Variants in DST observed in about 807,000 individuals in gnomAD.
DST encodes the protein dystonin, also known as bullous pemphigoid antigen.
In DST, 253 loss-of-function variants were observed where a neutral mutation model predicts 875.2. The ratio of observed to expected loss-of-function variants is 0.29; its 90% CI spans 0.26 to 0.32. The LOEUF is 0.32. Ranked by LOEUF, DST falls within the 10% of genes least tolerant of loss-of-function variation. The pLI is 1.00. For missense variants in DST, 8,287 were observed against 9,111.6 expected, an observed-to-expected ratio of 0.91 and a Z score of 3.68; for synonymous variants, 3,124 against 3,197.1, an observed-to-expected ratio of 0.98 and a Z score of 0.77.
chr6:56,913,538 T>C (rs934066692), intron 2 of DST, among the ~76,000 whole-genome samples: 1 of 152,336 alleles, frequency 6.6e-6, no homozygotes, highest in South Asian at 2.1e-4. Context: ...AACACAGAGT[T>C]AAGTAGCTGC....
intron 4 of DST, among the ~76,000 whole-genome samples, chr6:56,807,076 G>C (rs1291316640): frequency 6.6e-6 from 1 of 151,840 alleles, no homozygotes; most frequent in East Asian, 1.9e-4. Flanking sequence ...TTTGAGACAG[G>C]GTCTCGCTCT....
chr6:56,936,389 C>A (rs1229274047), intron 2 of DST, among the ~76,000 whole-genome samples: 1 of 152,098 alleles, frequency 6.6e-6, no homozygotes. Flanking sequence ...GGTGAGTTTG[C>A]CATTTTTGAC....
At chr6:56,819,921 C>T (rs10498813) in intron 4 of DST, among the ~76,000 whole-genome samples, 23,369 of 152,120 alleles carry the variant, frequency 0.15, 2,047 homozygotes, top group Non-Finnish European at 0.18. Context: ...AGTAACATTT[C>T]GTCATAAATA....
At position 56,607,093 on chromosome 6, in the gene DST, A is replaced by G. The variant is rs199558039; in HGVS notation, c.7535T>C (p.Met2512Thr). The G allele has an allele frequency of 3.4e-4, 553 of 1,612,768 alleles. 5 individuals carry two copies. The South Asian group carries it at 5.8e-3, about 17-fold the overall frequency. The change falls in exon 40 of 104, where the codon ATG becomes ACG. Residue 2512 changes from methionine to threonine, a missense_variant. By Grantham distance (81) the Met-to-Thr change is moderately conservative. Coordinates refer to ENST00000680361, the MANE Select transcript of DST (RefSeq NM_001374736.1). ...TTGTACTTGAGGATTACTAGAAATC[A>G]TATTTAAAGATTTCTGTCCATACTG... ...GEQYGQKSLNMISSNPQVQYH... is the reference protein window; with the variant it reads ...GEQYGQKSLNTISSNPQVQYH...
intron 5 of DST, among the ~76,000 whole-genome samples, chr6:56,723,162 G>A (rs1294810106): frequency 6.6e-6 from 1 of 152,204 alleles, no homozygotes; most frequent in African/African-American, 2.4e-5. Flanking sequence ...ATAAGTAGGT[G>A]GAAGTTAGGG....
chr6:56,553,255 C>G lies in DST; in HGVS notation c.15537G>C (p.Trp5179Cys), dbSNP rs1477886905. The G allele has an allele frequency of 1.9e-6, 3 of 1,613,682 alleles. No individual in the cohort carries two copies. In the East Asian group the frequency reaches 6.7e-5, roughly 36 times the overall value. The change falls in exon 61 of 104, where the codon TGG (tryptophan) becomes TGC (cysteine). Residue 5179 changes from tryptophan to cysteine, a missense_variant. Transcript: ENST00000680361. ...LKYKEQVETL[W>C]PWIDKCQNNL... ...TGTTTTGGCATTTGTCTATCCATGG[C>G]CAGAGAGTCTCTACTTGCTCTTTAT...
intron 10 of DST, among the ~76,000 whole-genome samples, chr6:56,654,741 A>G (rs879547782): frequency 2.6e-5 from 4 of 152,074 alleles, no homozygotes; most frequent in Non-Finnish European, 4.4e-5. Flanking sequence ...ATTGCATGAG[A>G]GATTTTTTTG....
chr6:56,704,448 G>A (rs990848222), intron 5 of DST, 79 bp from the exon 6 acceptor site: 8 of 662,062 alleles, frequency 1.2e-5, no homozygotes, highest in African/African-American at 1.2e-4. Flanking sequence ...AAGGAGACAA[G>A]TAGAAAACAT....
chr6:56,693,031 G>A (rs1405678220), intron 9 of DST: 7 of 1,289,598 alleles, frequency 5.4e-6, no homozygotes, highest in South Asian at 1.2e-5. Context: ...TTTTTTGATC[G>A]GTTTTCTTCT....
intron 10 of DST, among the ~76,000 whole-genome samples, chr6:56,663,850 T>C (rs1157838249): frequency 6.6e-6 from 1 of 152,220 alleles, no homozygotes; most frequent in Non-Finnish European, 1.5e-5. Flanking sequence ...TTGACTGCTT[T>C]GCTCCTGCAT....
Position 56,463,716 on chromosome 6 carries a change from T to C in DST, c.22808A>G (p.Asp7603Gly), listed in dbSNP as rs1437766563. The change falls in exon 101 of 104, where the codon GAT becomes GGT. Residue 7603 changes from aspartate to glycine, a missense_variant. By Grantham distance (94) the Asp-to-Gly change is moderately conservative (BLOSUM62 -1). This residue lies in a region of DST where 64 missense variants were observed against 86.2 expected (regional missense o/e 0.74). Transcript: ENST00000680361. ...MELREKFILA[D>G]GASQGMAAFR... ...AGCAGCCATACCCTGGCTGGCACCATCTGCTAAAATGAACTTCTCACGCAG... is the reference window on the plus strand; with the variant it reads ...AGCAGCCATACCCTGGCTGGCACCACCTGCTAAAATGAACTTCTCACGCAG... 5 of 1,613,850 alleles carry C rather than the reference T, an allele frequency of 3.1e-6. No individual in the cohort carries two copies. Among genetic ancestry groups the C allele is most frequent in the Non-Finnish European group, 4.2e-6 (5 of 1,179,904 alleles).
At chr6:56,489,697 T>C in intron 85 of DST, 88 bp from the exon 86 acceptor site, 1 of 1,192,610 alleles carries the variant, frequency 8.4e-7, no homozygotes. Context: ...AGATTAATAG[T>C]GATGAAAATC....
At chr6:56,748,876 A>G (rs1376303708) in intron 4 of DST, among the ~76,000 whole-genome samples, 2 of 152,250 alleles carry the variant, frequency 1.3e-5, no homozygotes, top group Non-Finnish European at 2.9e-5. Context: ...AGGACAGGAC[A>G]TAAGATAAAC....
intron 1 of DST, among the ~76,000 whole-genome samples, 192 bp from the exon 2 acceptor site, chr6:56,954,011 T>C (rs1367939147): frequency 1.3e-5 from 2 of 152,180 alleles, no homozygotes; most frequent in African/African-American, 4.8e-5. Flanking sequence ...CGCGAGAAGT[T>C]TGCATGAAAG....
At position 56,938,102 on chromosome 6, in the gene DST, C is replaced by A. The variant is rs1814044720; in HGVS notation, c.216+15683G>T. ...TCTCTTTCTCTCTCTCTCTCTCTCT[C>A]TCTCTCTATATATATATATATATAT... On this transcript the variant is annotated intron_variant, in intron 2 of 103. Coordinates refer to ENST00000680361, the MANE Select transcript of DST (RefSeq NM_001374736.1). Among the ~76,000 whole-genome samples, 4 of 32,224 alleles carry A rather than the reference C, an allele frequency of 1.2e-4. No individual in the cohort carries two copies. The South Asian group carries it at 7.3e-3, about 59-fold the overall frequency. The allele number at this position is 32,224 out of a possible 152,430, so 21.1% of individuals were successfully genotyped here. A position where few individuals can be genotyped will look rare whatever the true frequency, so the allele number is the denominator to read the frequency against.
chr6:56,645,835 A>C (rs1243070987), intron 15 of DST, 31 bp downstream of exon 15: 1 of 1,606,040 alleles, frequency 6.2e-7, no homozygotes. Context: ...TCCCCACTTG[A>C]TATTCATGGC....
intron 8 of DST, 30 bp from the exon 9 acceptor site, chr6:56,699,775 C>A: frequency 1.9e-6 from 2 of 1,069,232 alleles, no homozygotes; most frequent in South Asian, 1.7e-5. Flanking sequence ...GAGATAAAAC[C>A]AACTGTTTAT....
At chr6:56,472,770 T>C (rs2094959580) in intron 93 of DST, among the ~76,000 whole-genome samples, 2 of 152,208 alleles carry the variant, frequency 1.3e-5, no homozygotes, top group Non-Finnish European at 1.5e-5. Flanking sequence ...CATTTTCCAC[T>C]GAGATTGCAT....
intron 61 of DST, among the ~76,000 whole-genome samples, chr6:56,548,456 A>G (rs1272361763): frequency 2.0e-5 from 3 of 152,374 alleles, no homozygotes; most frequent in East Asian, 3.8e-4. Flanking sequence ...TGTTAATCAC[A>G]TAATAGGAAT....
Sources: allele counts gnomAD v4.1 joint callset (sites outside exome capture counted in the v4.1 genomes callset), GRCh38; gene constraint gnomAD v4.1.1; regional missense constraint gnomAD v4.1.1; transcripts MANE v1.5; gene names NCBI Gene and HGNC (gene_info 2026-07-23, HGNC 2026-07-21).